GSAP: variants seen among roughly 807,000 people sequenced by gnomAD.
GSAP encodes gamma-secretase activating protein, also known as gamma-secretase-activating protein.
Under a neutral mutation model 131.7 loss-of-function variants are expected in GSAP, and 118 were observed. That is an observed-to-expected ratio of 0.90 (90% CI 0.77 to 1.04). The LOEUF (loss-of-function observed/expected upper bound fraction) is 1.04, where lower values mean the gene tolerates loss of function less well. GSAP is among the 50% of genes least tolerant of loss of function. The probability of loss-of-function intolerance (pLI) is 0.00; values close to 1 mark genes in which losing one functional copy is unlikely to be tolerated. For missense variants in GSAP, 1,019 were observed against 1,013.2 expected, an observed-to-expected ratio of 1.01 and a Z score of -0.08; for synonymous variants, 381 against 363.4, an observed-to-expected ratio of 1.05 and a Z score of -0.55.
At chr7:77,409,317 T>TA (rs913294651) in intron 1 of GSAP, among the ~76,000 whole-genome samples, 2 of 151,988 alleles carry the variant, frequency 1.3e-5, no homozygotes, top group African/African-American at 4.8e-5. Flanking sequence ...CCCTGTCTCT[T>TA]AATAATAATA....
chr7:77,343,373 C>T (rs531378484), intron 19 of GSAP, among the ~76,000 whole-genome samples: 11 of 152,324 alleles, frequency 7.2e-5, no homozygotes, highest in African/African-American at 1.9e-4. Flanking sequence ...AAAAGGACTA[C>T]GCATCAATAT....
chr7:77,388,465 A>G (rs1351189365), intron 5 of GSAP, among the ~76,000 whole-genome samples: 1 of 152,188 alleles, frequency 6.6e-6, no homozygotes, highest in African/African-American at 2.4e-5. Flanking sequence ...ATCTGAGCAA[A>G]TGCCATAAAA....
intron 26 of GSAP, among the ~76,000 whole-genome samples, chr7:77,319,034 G>T (rs4727354): frequency 0.17 from 25,159 of 151,940 alleles, 2,306 homozygotes; most frequent in South Asian, 0.25. Context: ...CCTGTGTGTT[G>T]TGCACATGTA....
In GSAP at chr7:77,311,381, T is replaced by A. The variant is rs748449606; in HGVS notation, c.2542A>T (p.Thr848Ser). Residue 848 changes from threonine to serine, a missense_variant, in exon 31 of 31, where the codon ACC becomes TCC. Thr to Ser is a moderately conservative substitution (Grantham distance 58). Transcript: ENST00000257626. ...TTTCATAAGCCTAAAAGCATCGCGGTGTGTTTCAGAGCTGCTTCCTCTACA... is the reference window on the plus strand; with the variant it reads ...TTTCATAAGCCTAAAAGCATCGCGGAGTGTTTCAGAGCTGCTTCCTCTACA... ...EFVEEAALKH[T>S]AMLLGL is the part of the protein sequence containing the mutation. The A allele has an allele frequency of 6.2e-7, 1 of 1,608,506 alleles. No homozygotes were observed.
chr7:77,363,305 C>T (rs10953214), intron 12 of GSAP, among the ~76,000 whole-genome samples: 47,887 of 152,092 alleles, frequency 0.31, 8,797 homozygotes, highest in African/African-American at 0.51. Flanking sequence ...CCTCTCTCAA[C>T]GCATGAAACT....
At chr7:77,315,478 G>A (rs1794872109) in intron 26 of GSAP, 1 of 152,160 alleles carries the variant, frequency 6.6e-6, no homozygotes. Context: ...TTCAACCTGT[G>A]TCCTGGCTCA....
rs761445549 is a variant in GSAP at position 77,313,537 on chromosome 7, G to T, written c.2222C>A (p.Thr741Lys). The change falls in exon 28 of 31, where the codon ACA becomes AAA. Residue 741 changes from threonine to lysine, a missense_variant. Coordinates refer to ENST00000257626, the MANE Select transcript of GSAP (RefSeq NM_017439.4). ...GAATTTCAGTTTTTCATTTTTCTCT[G>T]TATTATCCAGATCTACAAGAAAGTT... is the stretch of plus-strand genomic sequence containing the variant. ...VIRLMKDLDN[T>K]EKNEKLKFSI... The T allele has an allele frequency of 2.0e-6, 3 of 1,522,270 alleles. No homozygotes were observed. The East Asian group carries it at 6.8e-5, about 34-fold the overall frequency. The allele number at this position is 1,522,270 out of a possible 1,614,324, so 94.3% of individuals were successfully genotyped here. A position where few individuals can be genotyped will look rare whatever the true frequency, so the allele number is the denominator to read the frequency against.
intron 6 of GSAP, among the ~76,000 whole-genome samples, chr7:77,385,481 T>C (rs576886441): frequency 5.9e-5 from 9 of 152,342 alleles, no homozygotes; most frequent in Non-Finnish European, 1.0e-4. Context: ...TATGCTCCAA[T>C]TCCCTTTAGT....
intron 5 of GSAP, among the ~76,000 whole-genome samples, chr7:77,395,329 T>C (rs1201023001): frequency 6.6e-6 from 1 of 152,120 alleles, no homozygotes; most frequent in African/African-American, 2.4e-5. Flanking sequence ...ACACAGCAGC[T>C]AGGCCTTTCC....
intron 12 of GSAP, among the ~76,000 whole-genome samples, chr7:77,365,832 AACTT>A (rs1448323914): frequency 2.0e-5 from 3 of 151,696 alleles, no homozygotes; most frequent in Non-Finnish European, 4.4e-5. Context: ...TGGTAGAACT[AACTT>A]ACACTCTCAT....
In GSAP at chr7:77,352,970, G is replaced by A. The variant is rs1793105698; in HGVS notation, c.1465C>T (p.His489Tyr). The change falls in exon 18 of 31, where the codon CAT (histidine) becomes TAT (tyrosine). Residue 489 changes from histidine to tyrosine, a missense_variant. His to Tyr is a moderately conservative substitution (Grantham distance 83, BLOSUM62 2). Coordinates refer to ENST00000257626, the MANE Select transcript of GSAP (RefSeq NM_017439.4). Reference protein sequence around the residue: ...ETSNMDKLLPHSSVLTWNTEI... With the variant: ...ETSNMDKLLPYSSVLTWNTEI... Reference sequence around the variant, plus strand: ...GTATTCCAAGTGAGCACTGAGGAATGTGGCAATAGTTTGTCCATGTTACTT... The same window carrying A: ...GTATTCCAAGTGAGCACTGAGGAATATGGCAATAGTTTGTCCATGTTACTT... 4 of 1,601,630 alleles carry A rather than the reference G, an allele frequency of 2.5e-6. No homozygotes were observed. Among genetic ancestry groups the A allele is most frequent in the African/African-American group, 1.3e-5 (1 of 74,808 alleles).
intron 9 of GSAP, 82 bp from the exon 10 acceptor site, chr7:77,376,989 T>C: frequency 1.3e-6 from 1 of 766,918 alleles, no homozygotes; most frequent in Non-Finnish European, 2.2e-6. Context: ...CTTCACTATT[T>C]CCATCAATGA....
intron 3 of GSAP, among the ~76,000 whole-genome samples, chr7:77,402,425 C>T (rs1190828484): frequency 1.5e-4 from 21 of 139,450 alleles, no homozygotes; most frequent in Middle Eastern, 7.2e-3. Flanking sequence ...TATATATATA[C>T]ACACACACAG....
chr7:77,352,082 G>A (rs968702280), intron 18 of GSAP, among the ~76,000 whole-genome samples: 2 of 152,152 alleles, frequency 1.3e-5, no homozygotes, highest in South Asian at 4.1e-4. Context: ...GGAAAGCACT[G>A]CCACTGTGCA....
intron 20 of GSAP, 87 bp from the exon 21 acceptor site, chr7:77,329,478 G>C: frequency 1.7e-6 from 1 of 577,762 alleles, no homozygotes; most frequent in Non-Finnish European, 3.1e-6. Flanking sequence ...ATACAGTTAA[G>C]AGCATCAGAG....
rs547712424 is a variant in GSAP at position 77,397,345 on chromosome 7, C to G, written c.313+1G>C. On this transcript the variant is annotated splice_donor_variant, in intron 4 of 30. Transcript: ENST00000257626. LOFTEE classifies it high-confidence loss of function. ...CATGTAGCAATAAGAGCTCAACTTA[C>G]CAAGCAAAGTCCTTTCACTGTTGAC... 3 of 1,587,354 alleles carry G rather than the reference C, an allele frequency of 1.9e-6. No homozygotes were observed. The highest frequency in any genetic ancestry group is 2.6e-6 in the Non-Finnish European group (3 of 1,158,734).
intron 12 of GSAP, among the ~76,000 whole-genome samples, chr7:77,371,043 C>T (rs970053971): frequency 6.6e-6 from 1 of 152,132 alleles, no homozygotes; most frequent in Non-Finnish European, 1.5e-5. Flanking sequence ...CAAATACCCC[C>T]TCCTATGCCT....
intron 19 of GSAP, among the ~76,000 whole-genome samples, chr7:77,335,164 C>A (rs920217078): frequency 6.6e-6 from 1 of 152,092 alleles, no homozygotes; most frequent in Admixed American, 6.5e-5. Context: ...CTTTGGGAGG[C>A]CAAGATGCGT....
At chr7:77,375,662 T>C (rs1422518943) in intron 10 of GSAP, among the ~76,000 whole-genome samples, 1 of 152,078 alleles carries the variant, frequency 6.6e-6, no homozygotes. Context: ...CTGGCCAACA[T>C]GGTGAAATCC....
Sources: allele counts gnomAD v4.1 joint callset (sites outside exome capture counted in the v4.1 genomes callset), GRCh38; gene constraint gnomAD v4.1.1; transcripts MANE v1.5; gene names NCBI Gene and HGNC (gene_info 2026-07-23, HGNC 2026-07-21).